Variants in FOXK2 observed in about 807,000 individuals in gnomAD.
FOXK2 encodes forkhead box protein K2.
In FOXK2, 24 loss-of-function variants were observed where a neutral mutation model predicts 53.3. That is an observed-to-expected ratio of 0.45 (90% CI 0.33 to 0.63). The LOEUF is 0.63. Ranked by LOEUF, FOXK2 falls within the 30% of genes least tolerant of loss-of-function variation. The probability of loss-of-function intolerance (pLI) is 0.03; values close to 1 mark genes in which losing one functional copy is unlikely to be tolerated. For synonymous variants in FOXK2, 505 were observed against 407.1 expected (o/e 1.24, Z -2.89); for missense variants, 952 against 910.5 (o/e 1.05, Z -0.59).
chr17:82,541,789 C>T (rs886656094), intron 1 of FOXK2, among the ~76,000 whole-genome samples: 4 of 151,936 alleles, frequency 2.6e-5, no homozygotes, highest in African/African-American at 9.7e-5. Context: ...TGGCTCACTG[C>T]TCCCTCGAAT....
chr17:82,587,349 T>G (rs1303391109), intron 8 of FOXK2, 77 bp downstream of exon 8: 3 of 1,150,836 alleles, frequency 2.6e-6, no homozygotes, highest in Non-Finnish European at 1.3e-6. Flanking sequence ...TGGTTTCGGT[T>G]CTGACTGTAA....
At chr17:82,533,466 G>T (rs1456750979) in intron 1 of FOXK2, among the ~76,000 whole-genome samples, 3 of 151,530 alleles carry the variant, frequency 2.0e-5, no homozygotes, top group Admixed American at 1.3e-4. Context: ...CTCCAGCCTG[G>T]GTGATGGAGT....
Position 82,586,479 on chromosome 17 carries a change from ACAGGGAGGTCAAAG to A in FOXK2, c.1576+280_1576+293del. 1.1e-3 allele frequency among the ~76,000 whole-genome samples: 77 copies of A among 70,336 alleles called. 18 individuals carry two copies. Among genetic ancestry groups the A allele is most frequent in the African/African-American group, 2.9e-3 (50 of 17,284 alleles). 46.1% of individuals were successfully genotyped at this position (70,336 alleles called of 152,430 possible). ...GGGGGAAAGGAGGAGAGGGGAGACC[ACAGGGAGGTCAAAG>A]GTGGGCCGGGGGGGAAAGGAGGAGA... On this transcript the variant is annotated intron_variant, in intron 7 of 8. Transcript: ENST00000335255.
In FOXK2 at chr17:82,601,511, G is replaced by C; in HGVS notation, c.*12G>C. On this transcript the variant is annotated 3_prime_UTR_variant, in exon 9 of 9. Transcript: ENST00000335255. ...GTGTCCAGAACTAGCGACCGGGAGA[G>C]CTTTTCTTTAACGATATCAACTCTG... 1 of 1,591,652 alleles carries C rather than the reference G, an allele frequency of 6.3e-7. No individual in the cohort carries two copies. The highest frequency in any genetic ancestry group is 8.6e-7 in the Non-Finnish European group (1 of 1,166,858).
chr17:82,562,627 C>G (rs1168238909), intron 1 of FOXK2, among the ~76,000 whole-genome samples: 2 of 151,716 alleles, frequency 1.3e-5, no homozygotes, highest in Non-Finnish European at 2.9e-5. Flanking sequence ...AAGAAAACTA[C>G]CACAAAGTTA....
chr17:82,601,194 A>G (rs1037016746), intron 8 of FOXK2, 109 bp from the exon 9 acceptor site: 6 of 1,188,874 alleles, frequency 5.0e-6, no homozygotes, highest in East Asian at 2.6e-5. Flanking sequence ...GAGAGTTCAC[A>G]TGAGAGCGTG....
At chr17:82,527,451 A>G (rs1485658065) in intron 1 of FOXK2, among the ~76,000 whole-genome samples, 1 of 152,088 alleles carries the variant, frequency 6.6e-6, no homozygotes, top group Non-Finnish European at 1.5e-5. Flanking sequence ...CAACATGGCG[A>G]AACTCCGACT....
intron 4 of FOXK2, among the ~76,000 whole-genome samples, chr17:82,582,321 C>G (rs1476384229): frequency 6.6e-6 from 1 of 152,150 alleles, no homozygotes; most frequent in Non-Finnish European, 1.5e-5. Flanking sequence ...GTTGCCAGCT[C>G]TCCACCCTGC....
At chr17:82,584,541 A>G (rs2045108422) in intron 6 of FOXK2, among the ~76,000 whole-genome samples, 1 of 128,410 alleles carries the variant, frequency 7.8e-6, no homozygotes, top group African/African-American at 3.1e-5. Context: ...TGGAAGCAAA[A>G]ACATGTCCTT....
chr17:82,549,582 C>T (rs1014126602), intron 1 of FOXK2, among the ~76,000 whole-genome samples: 2 of 152,074 alleles, frequency 1.3e-5, no homozygotes, highest in Non-Finnish European at 2.9e-5. Context: ...GGCAAAACCC[C>T]CCAAATTACT....
chr17:82,555,885 C>CAAAAAAA (rs71168116), intron 1 of FOXK2, among the ~76,000 whole-genome samples: 1,537 of 74,176 alleles, frequency 0.021, 10 homozygotes, highest in Non-Finnish European at 0.03. Flanking sequence ...GACTCTATCA[C>CAAAAAAA]AAAAAAAAAA....
At chr17:82,574,463 G>A (rs78823728) in intron 4 of FOXK2, among the ~76,000 whole-genome samples, 22,927 of 152,104 alleles carry the variant, frequency 0.15, 2,167 homozygotes, top group East Asian at 0.32. Context: ...TGGGACTACA[G>A]GCTTGAGCCA....
At position 82,586,040 on chromosome 17, in the gene FOXK2, C is replaced by T. The variant is rs146214667; in HGVS notation, c.1416C>T (p.His472=). The change falls in exon 7 of 9, where the codon CAC becomes CAT. Residue 472 remains histidine (H), a synonymous_variant. Coordinates refer to ENST00000335255, the MANE Select transcript of FOXK2 (RefSeq NM_004514.4). Reference sequence around the variant, plus strand: ...AGCCACCCGTCGTGCAGACGGTTCACGTCGTCCACCAGATCCCAGCGGTGT... The same window carrying T: ...AGCCACCCGTCGTGCAGACGGTTCATGTCGTCCACCAGATCCCAGCGGTGT... ...TSQPPVVQTV[H]VVHQIPAVSV... 2.7e-4 allele frequency: 438 copies of T among 1,612,832 alleles called. 1 individual carries two copies. Among genetic ancestry groups the T allele is most frequent in the Middle Eastern group, 2.1e-3 (13 of 6,062 alleles).
chr17:82,575,619 G>T (rs1240910268), intron 4 of FOXK2, among the ~76,000 whole-genome samples: 2 of 152,182 alleles, frequency 1.3e-5, no homozygotes, highest in Admixed American at 6.5e-5. Flanking sequence ...AGAAGACAGC[G>T]ACACAAGGAC....
chr17:82,556,528 A>G (rs1048714873), intron 1 of FOXK2, among the ~76,000 whole-genome samples: 3 of 149,710 alleles, frequency 2.0e-5, no homozygotes, highest in South Asian at 4.3e-4. Context: ...GCTCACACTT[A>G]GATGAAAACA....
chr17:82,556,624 G>A (rs565765364), intron 1 of FOXK2, among the ~76,000 whole-genome samples: 8 of 152,258 alleles, frequency 5.3e-5, no homozygotes, highest in African/African-American at 1.9e-4. Flanking sequence ...GATGGAGGAC[G>A]AACAGCACAT....
At chr17:82,591,671 G>C (rs2045254184) in intron 8 of FOXK2, among the ~76,000 whole-genome samples, 1 of 152,222 alleles carries the variant, frequency 6.6e-6, no homozygotes, top group South Asian at 2.1e-4. Flanking sequence ...GATGTGGGAA[G>C]AGTCCAGGCG....
At chr17:82,550,160 C>T (rs1599891129) in intron 1 of FOXK2, among the ~76,000 whole-genome samples, 1 of 152,188 alleles carries the variant, frequency 6.6e-6, no homozygotes, top group Non-Finnish European at 1.5e-5. Context: ...CACTGCCTTC[C>T]AGCCTGGGCG....
chr17:82,528,624 G>T (rs977267270), intron 1 of FOXK2, among the ~76,000 whole-genome samples: 2 of 152,168 alleles, frequency 1.3e-5, no homozygotes, highest in African/African-American at 4.8e-5. Context: ...ACGGAACAAG[G>T]TGTTACAGCT....
Sources: gnomAD v4.1 joint callset for allele counts (sites outside exome capture counted in the v4.1 genomes callset) on GRCh38, gnomAD v4.1.1 for gene constraint, MANE v1.5 for transcripts, NCBI Gene and HGNC (gene_info 2026-07-23, HGNC 2026-07-21) for gene names.